The following AGBL1 variants were observed in gnomAD, a reference collection of about 807,000 sequenced individuals.
AGBL1 encodes AGBL carboxypeptidase 1.
AGBL1 carries 130 observed loss-of-function variants against 118.9 expected under a neutral mutation model. The ratio of observed to expected loss-of-function variants is 1.09; its 90% confidence interval spans 0.95 to 1.26. The LOEUF is 1.26. AGBL1 is among the 50% of genes most tolerant of loss of function. The probability of loss-of-function intolerance (pLI) is 0.00; values close to 1 mark genes in which losing one functional copy is unlikely to be tolerated. For missense variants in AGBL1, 1,584 were observed against 1,298.1 expected (o/e 1.22, Z -3.38); for synonymous variants, 555 against 478.9 (o/e 1.16, Z -2.08).
rs60551645 is a variant in AGBL1, at chr15:86,632,029, AT to A, written c.2995-42230del. ...AGCCTAGGGAGACCCTATTTCCACA[AT>A]TTTTTTTTTTTTTAAAGTTAACCAG... On this transcript the variant is annotated intron_variant, in intron 21 of 22. Transcript: ENST00000614907. Among the ~76,000 whole-genome samples the A allele has an allele frequency of 8.0e-3, 1,170 of 146,030 alleles. 7 individuals are homozygous for A. Among genetic ancestry groups the A allele is most frequent in the East Asian group, 0.019 (93 of 4,880 alleles).
chr15:86,351,241 G>A (rs1438734756), intron 17 of AGBL1, among the ~76,000 whole-genome samples: 1 of 152,144 alleles, frequency 6.6e-6, no homozygotes, highest in East Asian at 1.9e-4. Context: ...TAAGAGAGAG[G>A]CAAAAGGGGG....
intron 5 of AGBL1, among the ~76,000 whole-genome samples, chr15:86,191,826 A>G (rs1234065514): frequency 2.0e-5 from 3 of 151,766 alleles, no homozygotes; most frequent in African/African-American, 7.3e-5. Flanking sequence ...CAGTAATCCT[A>G]GAGCTTTAGG....
Position 86,752,547 on chromosome 15 carries a change from C to T in AGBL1, c.3158+78111C>T, listed in dbSNP as rs531650713. ...CTGTCATCACCTTCCCAGATCCATGCTTTAGGGAGAATGCAGGAGCACAGG... is the reference window on the plus strand; with the variant it reads ...CTGTCATCACCTTCCCAGATCCATGTTTTAGGGAGAATGCAGGAGCACAGG... On this transcript the variant is annotated intron_variant, in intron 22 of 22. Transcript: ENST00000614907. Among the ~76,000 whole-genome samples the T allele has an allele frequency of 2.8e-4, 42 of 152,204 alleles. 2 individuals carry two copies. In the South Asian group the frequency reaches 8.1e-3, roughly 29 times the overall value.
At chr15:86,534,093 C>T (rs1449367789) in intron 19 of AGBL1, among the ~76,000 whole-genome samples, 2 of 123,716 alleles carry the variant, frequency 1.6e-5, no homozygotes, top group Non-Finnish European at 3.3e-5. Context: ...GCACATGTAC[C>T]CTAAAACTTA....
intron 18 of AGBL1, among the ~76,000 whole-genome samples, chr15:86,403,993 C>T (rs1175081514): frequency 1.3e-5 from 2 of 152,180 alleles, no homozygotes; most frequent in East Asian, 3.9e-4. Flanking sequence ...CACACACACA[C>T]ACATCCATGC....
chr15:86,721,032 A>C (rs2086711448), intron 22 of AGBL1, among the ~76,000 whole-genome samples: 1 of 152,234 alleles, frequency 6.6e-6, no homozygotes, highest in African/African-American at 2.4e-5. Context: ...AAAAAAGTCC[A>C]GGACCAGATG....
intron 19 of AGBL1, among the ~76,000 whole-genome samples, chr15:86,529,793 G>A (rs11073643): frequency 0.041 from 6,135 of 151,476 alleles, 240 homozygotes; most frequent in African/African-American, 0.099. Flanking sequence ...AAGAGACTGG[G>A]GGCCAATATT....
In AGBL1 at chr15:86,257,014, T is replaced by C. The variant is rs772624518; in HGVS notation, c.897T>C (p.Pro299=). ...CITTEPPHDL[P]EEDFEDDGDD... ...CCACTGAACCTCCACATGATCTACC[T>C]GAAGGTAAAATAAGTTGGTAACTAT... The change falls in exon 8 of 23, where the codon CCT becomes CCC. Residue 299 remains proline, a synonymous_variant. Transcript: ENST00000614907. The C allele has an allele frequency of 5.0e-6, 8 of 1,613,060 alleles. No homozygotes were observed. Among genetic ancestry groups the C allele is most frequent in the Non-Finnish European group, 5.9e-6 (7 of 1,179,530 alleles).
At chr15:86,627,886 G>A (rs2084910762) in intron 21 of AGBL1, among the ~76,000 whole-genome samples, 1 of 152,212 alleles carries the variant, frequency 6.6e-6, no homozygotes, top group Admixed American at 6.5e-5. Flanking sequence ...GAGAAATTCT[G>A]TCTGTGCCTG....
At chr15:86,128,244 G>A (rs62012439) in intron 1 of AGBL1, among the ~76,000 whole-genome samples, 4,455 of 152,244 alleles carry the variant, frequency 0.029, 88 homozygotes, top group Middle Eastern at 0.054. Context: ...AAGGAAAGGC[G>A]GCAGGCAAGA....
intron 21 of AGBL1, among the ~76,000 whole-genome samples, chr15:86,633,204 A>C (rs1390287084): frequency 1.3e-5 from 2 of 152,220 alleles, no homozygotes; most frequent in Admixed American, 6.5e-5. Flanking sequence ...GCTCTGAAAA[A>C]AAATGCTGTG....
chr15:86,866,028 C>A (rs558927624), intron 22 of AGBL1, among the ~76,000 whole-genome samples: 1 of 152,230 alleles, frequency 6.6e-6, no homozygotes, highest in Non-Finnish European at 1.5e-5. Context: ...CCTCAGCCAT[C>A]TTTCCCTTCC....
At chr15:86,587,574 G>C (rs991308947) in intron 21 of AGBL1, among the ~76,000 whole-genome samples, 3 of 152,174 alleles carry the variant, frequency 2.0e-5, no homozygotes, top group Non-Finnish European at 4.4e-5. Flanking sequence ...ATAAGCAAAG[G>C]CATAAAGGCC....
At position 86,393,243 on chromosome 15, in the gene AGBL1, T is replaced by G. The variant is rs376273352; in HGVS notation, c.2375-4123T>G. 6.6e-4 allele frequency among the ~76,000 whole-genome samples: 100 copies of G among 152,302 alleles called. 2 individuals are homozygous for G. In the South Asian group the frequency reaches 0.02, roughly 31 times the overall value. On this transcript the variant is annotated intron_variant, in intron 17 of 22. Coordinates refer to ENST00000614907, the MANE Select transcript of AGBL1 (RefSeq NM_001386094.1). ...TCTCCAATGGAAAGAGACACATTGT[T>G]GATGTCTCTCTGTTAGAGCTTGCAT... is the stretch of plus-strand genomic sequence containing the variant.
chr15:86,335,736 A>G (rs1397906472), intron 17 of AGBL1, among the ~76,000 whole-genome samples: 1 of 152,232 alleles, frequency 6.6e-6, no homozygotes, highest in Non-Finnish European at 1.5e-5. Context: ...GGAGAAAACT[A>G]TGAGAGGAGA....
intron 17 of AGBL1, among the ~76,000 whole-genome samples, chr15:86,303,713 T>C (rs1443447401): frequency 6.6e-6 from 1 of 152,156 alleles, no homozygotes; most frequent in African/African-American, 2.4e-5. Context: ...TATACAGTTA[T>C]TACAGCAGAA....
At chr15:86,876,486 C>T (rs764493742) in intron 22 of AGBL1, among the ~76,000 whole-genome samples, 1 of 152,148 alleles carries the variant, frequency 6.6e-6, no homozygotes, top group Non-Finnish European at 1.5e-5. Context: ...CAGGAACTCC[C>T]TCTCCTGCGG....
At chr15:86,954,459 A>G (rs1567257385) in intron 23 of AGBL1, among the ~76,000 whole-genome samples, 1 of 152,220 alleles carries the variant, frequency 6.6e-6, no homozygotes, top group Non-Finnish European at 1.5e-5. Flanking sequence ...ACCATGGAAC[A>G]CTGTGCAGCT....
intron 21 of AGBL1, among the ~76,000 whole-genome samples, chr15:86,652,358 ATGT>A (rs1317279730): frequency 6.6e-6 from 1 of 151,986 alleles, no homozygotes; most frequent in Non-Finnish European, 1.5e-5. Flanking sequence ...CAGCCTCCTA[ATGT>A]TGTTATTGTT....
Sources: gnomAD v4.1 joint callset for allele counts (sites outside exome capture counted in the v4.1 genomes callset) on GRCh38, gnomAD v4.1.1 for gene constraint, MANE v1.5 for transcripts, NCBI Gene and HGNC (gene_info 2026-07-23, HGNC 2026-07-21) for gene names.